The following HS3ST2 variants were observed in gnomAD, a reference collection of about 807,000 sequenced individuals.
HS3ST2 encodes the protein heparan sulfate glucosamine 3-O-sulfotransferase 2.
In HS3ST2, 17 loss-of-function variants were observed where a neutral mutation model predicts 26.3. That is an observed-to-expected ratio of 0.65 (90% CI 0.44 to 0.97). The LOEUF is 0.97. HS3ST2 is among the 50% of genes least tolerant of loss of function. The pLI, the probability that HS3ST2 is intolerant of heterozygous loss-of-function variation, is 0.00. For missense variants in HS3ST2, 402 were observed against 501.2 expected (o/e 0.80, Z 1.89); for synonymous variants, 237 against 219.2 (o/e 1.08, Z -0.72).
chr16:22,912,040 C>A (rs1270687603), intron 1 of HS3ST2, among the ~76,000 whole-genome samples: 1 of 152,094 alleles, frequency 6.6e-6, no homozygotes, highest in Non-Finnish European at 1.5e-5. Flanking sequence ...GGAGGATCAC[C>A]TAAGCCAGGG....
intron 1 of HS3ST2, among the ~76,000 whole-genome samples, chr16:22,865,044 T>A: frequency 1.1e-5 from 1 of 93,306 alleles, no homozygotes; most frequent in Non-Finnish European, 1.8e-5. Context: ...AGTAAGACCC[T>A]ATCTCAAAAA....
At chr16:22,818,790 CTCCCTCCCTCCCTTCCTTCCT>C (rs2141173257) in intron 1 of HS3ST2, among the ~76,000 whole-genome samples, 1 of 19,184 alleles carries the variant, frequency 5.2e-5, no homozygotes, top group Non-Finnish European at 8.4e-5. Flanking sequence ...CCTTCCTTCC[CTCCCTCCCTCCCTTCCTTCCT>C]TCCTTCCTTC....
chr16:22,903,394 G>T (rs1157614607), intron 1 of HS3ST2, among the ~76,000 whole-genome samples: 2 of 152,212 alleles, frequency 1.3e-5, no homozygotes, highest in African/African-American at 4.8e-5. Flanking sequence ...TATGTCCAAA[G>T]CATCGATGAC....
At position 22,877,197 on chromosome 16, in the gene HS3ST2, A is replaced by C. The variant is rs565897432; in HGVS notation, c.486-37747A>C. Among the ~76,000 whole-genome samples the C allele has an allele frequency of 5.9e-5, 9 of 152,314 alleles. No homozygotes were observed. The East Asian group carries it at 1.7e-3, about 29-fold the overall frequency. The stretch of plus-strand genomic sequence containing the variant: ...GAGATATGACTTAAGTTCTGAAGTC[A>C]CAAGAGCCTGCTGGGTTAGACTCAC... On this transcript the variant is annotated intron_variant, in intron 1 of 1. Coordinates refer to ENST00000261374, the MANE Select transcript of HS3ST2 (RefSeq NM_006043.2).
Position 22,895,979 on chromosome 16 carries a change from CT to C in HS3ST2, c.486-18953del, listed in dbSNP as rs111437323. On this transcript the variant is annotated intron_variant, in intron 1 of 1. Transcript: ENST00000261374. ...GATGTATCAAATTATTAATTTTTAT[CT>C]TTTTTTTTTTTAAGAGAGAAAGGGT... 6.2e-3 allele frequency among the ~76,000 whole-genome samples: 897 copies of C among 143,858 alleles called. 3 individuals carry two copies. Among genetic ancestry groups the C allele is most frequent in the Middle Eastern group, 0.026 (7 of 268 alleles). 94.4% of individuals were successfully genotyped at this position (143,858 alleles called of 152,430 possible). A position where few individuals can be genotyped will look rare whatever the true frequency, so the allele number is the denominator to read the frequency against.
chr16:22,859,462 G>A (rs1028365917), intron 1 of HS3ST2, among the ~76,000 whole-genome samples: 5 of 152,276 alleles, frequency 3.3e-5, no homozygotes, highest in Admixed American at 2.0e-4. Context: ...TGCTGAAAAC[G>A]TAATTGCATC....
chr16:22,868,286 G>A (rs1464252898), intron 1 of HS3ST2, among the ~76,000 whole-genome samples: 5 of 151,610 alleles, frequency 3.3e-5, no homozygotes, highest in South Asian at 2.1e-4. Flanking sequence ...GCATGCACCC[G>A]TAGTCCCAGC....
intron 1 of HS3ST2, among the ~76,000 whole-genome samples, chr16:22,838,178 C>G (rs973663026): frequency 6.6e-6 from 1 of 152,056 alleles, no homozygotes. Context: ...GCAAAAATCC[C>G]TCTGTGTGGT....
At chr16:22,892,900 T>C (rs1189639600) in intron 1 of HS3ST2, among the ~76,000 whole-genome samples, 1 of 152,244 alleles carries the variant, frequency 6.6e-6, no homozygotes, top group African/African-American at 2.4e-5. Context: ...AATTCAATTT[T>C]TAAAATCCTT....
intron 1 of HS3ST2, among the ~76,000 whole-genome samples, chr16:22,897,957 C>T (rs1220145691): frequency 3.3e-5 from 5 of 152,150 alleles, no homozygotes; most frequent in African/African-American, 4.8e-5. Flanking sequence ...AAATTTCATC[C>T]GTGAATCACT....
intron 1 of HS3ST2, among the ~76,000 whole-genome samples, chr16:22,816,501 T>C (rs1017722570): frequency 5.9e-5 from 9 of 152,208 alleles, no homozygotes; most frequent in African/African-American, 2.2e-4. Context: ...GGGTCATGCA[T>C]CATCCTTAGC....
At chr16:22,900,256 C>G (rs1382071434) in intron 1 of HS3ST2, among the ~76,000 whole-genome samples, 1 of 152,214 alleles carries the variant, frequency 6.6e-6, no homozygotes, top group Admixed American at 6.5e-5. Flanking sequence ...TGCATTCACT[C>G]TGATTGACTA....
chr16:22,837,389 G>A (rs933856821), intron 1 of HS3ST2, among the ~76,000 whole-genome samples: 6 of 151,610 alleles, frequency 4.0e-5, no homozygotes, highest in African/African-American at 1.5e-4. Flanking sequence ...TATTGCAGTA[G>A]TCATCCCTTA....
chr16:22,858,480 C>A (rs1254032209), intron 1 of HS3ST2, among the ~76,000 whole-genome samples: 3 of 151,674 alleles, frequency 2.0e-5, no homozygotes, highest in African/African-American at 7.3e-5. Context: ...TGTTCCCAAA[C>A]AATGAAGTAT....
At chr16:22,909,161 A>G (rs1244341467) in intron 1 of HS3ST2, among the ~76,000 whole-genome samples, 1 of 152,220 alleles carries the variant, frequency 6.6e-6, no homozygotes, top group African/African-American at 2.4e-5. Context: ...AACTTTGGAC[A>G]TGCATCCCCA....
chr16:22,874,621 A>G (rs1352129274), intron 1 of HS3ST2, among the ~76,000 whole-genome samples: 1 of 152,182 alleles, frequency 6.6e-6, no homozygotes, highest in Non-Finnish European at 1.5e-5. Flanking sequence ...ACGAGGCATT[A>G]TTCACTGTAA....
At position 22,915,838 on chromosome 16, in the gene HS3ST2, G is replaced by A; in HGVS notation, c.*276G>A. 2 of 460,354 alleles carry A rather than the reference G, an allele frequency of 4.3e-6. No individual in the cohort carries two copies. The highest frequency in any genetic ancestry group is 6.7e-5 in the South Asian group (2 of 29,914). The allele number at this position is 460,354 out of a possible 1,614,324, so 28.5% of individuals were successfully genotyped here. A position where few individuals can be genotyped will look rare whatever the true frequency, so the allele number is the denominator to read the frequency against. On this transcript the variant is annotated 3_prime_UTR_variant, in exon 2 of 2. Coordinates refer to ENST00000261374, the MANE Select transcript of HS3ST2 (RefSeq NM_006043.2). Reference sequence around the variant, plus strand: ...CTCCTTTCTGCCCATAAAGGGCCTTGGAGAATTGCTTTAAGAAGAGTGAAT... The same window carrying A: ...CTCCTTTCTGCCCATAAAGGGCCTTAGAGAATTGCTTTAAGAAGAGTGAAT...
intron 1 of HS3ST2, among the ~76,000 whole-genome samples, chr16:22,886,925 A>G (rs1355658369): frequency 1.3e-5 from 2 of 151,784 alleles, no homozygotes. Context: ...TAATTTTTAA[A>G]CCTTTTTGTA....
intron 1 of HS3ST2, among the ~76,000 whole-genome samples, chr16:22,829,556 T>C (rs899107574): frequency 2.0e-5 from 3 of 152,170 alleles, no homozygotes; most frequent in Non-Finnish European, 4.4e-5. Flanking sequence ...ATCTTACTGA[T>C]TCATAACTGT....
Sources: gnomAD v4.1 joint callset for allele counts (sites outside exome capture counted in the v4.1 genomes callset) on GRCh38, gnomAD v4.1.1 for gene constraint, MANE v1.5 for transcripts, NCBI Gene and HGNC (gene_info 2026-07-23, HGNC 2026-07-21) for gene names.